PIP5K1B: variants seen among roughly 807,000 people sequenced by gnomAD.
PIP5K1B encodes the protein phosphatidylinositol 4-phosphate 5-kinase type-1 beta.
PIP5K1B carries 42 observed loss-of-function variants against 67.0 expected under a neutral mutation model. The ratio of observed to expected loss-of-function variants is 0.63; its 90% CI spans 0.49 to 0.81. The LOEUF is 0.81. Ranked by LOEUF, PIP5K1B falls within the 30% of genes least tolerant of loss-of-function variation. The pLI, the probability that PIP5K1B is intolerant of heterozygous loss-of-function variation, is 0.00. For missense variants in PIP5K1B, 459 were observed against 646.3 expected (o/e 0.71, Z 3.14); for synonymous variants, 214 against 231.4 (o/e 0.92, Z 0.68).
intron 2 of PIP5K1B, among the ~76,000 whole-genome samples, chr9:68,809,255 T>A (rs1256519131): frequency 1.3e-5 from 2 of 152,144 alleles, no homozygotes; most frequent in Non-Finnish European, 2.9e-5. Flanking sequence ...CAGCACATTT[T>A]AAACCTTTGC....
intron 2 of PIP5K1B, among the ~76,000 whole-genome samples, chr9:68,772,275 T>G (rs2132425656): frequency 6.6e-6 from 1 of 152,342 alleles, no homozygotes; most frequent in Non-Finnish European, 1.5e-5. Flanking sequence ...CTACTGAGAC[T>G]TCTTGAATCT....
intron 1 of PIP5K1B, among the ~76,000 whole-genome samples, chr9:68,730,710 A>G (rs771377452): frequency 3.9e-5 from 6 of 152,224 alleles, no homozygotes; most frequent in Non-Finnish European, 8.8e-5. Context: ...TTGTGAAATA[A>G]AACTCTTGAG....
At position 68,917,767 on chromosome 9, in the gene PIP5K1B, C is replaced by T. The variant is rs751046512; in HGVS notation, c.983+8C>T. 5.1e-5 allele frequency: 82 copies of T among 1,601,880 alleles called. No homozygotes were observed. The highest frequency in any genetic ancestry group is 2.0e-4 in the East Asian group (9 of 44,814). ...CACAGAGAACCCAGACACGTAAGTG[C>T]AGCCACACACCTACCCACCCTCTTG... On this transcript the variant is annotated splice_region_variant and intron_variant, in intron 9 of 15. Transcript: ENST00000265382.
chr9:68,890,498 A>G (rs1261126758), intron 7 of PIP5K1B, among the ~76,000 whole-genome samples: 2 of 152,226 alleles, frequency 1.3e-5, no homozygotes, highest in East Asian at 1.9e-4. Context: ...ATCAGATGCC[A>G]TGTTATCTTT....
intron 4 of PIP5K1B, among the ~76,000 whole-genome samples, chr9:68,859,147 A>G (rs141573657): frequency 7.4e-4 from 113 of 152,360 alleles, no homozygotes; most frequent in African/African-American, 2.5e-3. Context: ...TTCCTTATCT[A>G]TACTATGGCA....
intron 2 of PIP5K1B, chr9:68,782,147 T>C (rs1366133076): frequency 6.0e-6 from 1 of 167,054 alleles, no homozygotes; most frequent in African/African-American, 2.4e-5. Context: ...TAGGGCACCA[T>C]TGATTAGACA....
At chr9:68,789,347 TC>T (rs140603387) in intron 2 of PIP5K1B, 6,422 of 385,456 alleles carry the variant, frequency 0.017, 142 homozygotes, top group East Asian at 0.1. Context: ...GCCGCATAAA[TC>T]ACAATCACAT....
At chr9:68,946,790 G>A (rs1385263831) in intron 14 of PIP5K1B, among the ~76,000 whole-genome samples, 5 of 152,248 alleles carry the variant, frequency 3.3e-5, no homozygotes, top group South Asian at 2.1e-4. Context: ...ATGCTCATGC[G>A]TCTTGCTAAA....
chr9:68,897,490 A>G (rs1305798596), intron 8 of PIP5K1B, among the ~76,000 whole-genome samples: 1 of 152,228 alleles, frequency 6.6e-6, no homozygotes. Flanking sequence ...CAGTAGAAGC[A>G]TATTTCTAGG....
intron 6 of PIP5K1B, among the ~76,000 whole-genome samples, chr9:68,886,071 C>G (rs1345094761): frequency 6.6e-6 from 1 of 151,752 alleles, no homozygotes; most frequent in African/African-American, 2.4e-5. Context: ...CCCAGCTACT[C>G]GGGAGGCTGA....
intron 6 of PIP5K1B, among the ~76,000 whole-genome samples, chr9:68,881,912 C>T (rs1288089959): frequency 2.6e-5 from 4 of 152,124 alleles, no homozygotes; most frequent in Non-Finnish European, 4.4e-5. Flanking sequence ...GGCTCACCTG[C>T]GCCAATAAGA....
At chr9:68,823,998 A>ATCTC in intron 4 of PIP5K1B, 2 of 453,902 alleles carry the variant, frequency 4.4e-6, no homozygotes, top group Non-Finnish European at 8.7e-6. Context: ...GTTGGAAAAG[A>ATCTC]GTTGGGTAAA....
chr9:68,801,088 A>T (rs1832576415), intron 2 of PIP5K1B, among the ~76,000 whole-genome samples: 1 of 152,140 alleles, frequency 6.6e-6, no homozygotes, highest in African/African-American at 2.4e-5. Context: ...AGATATTTTA[A>T]CCCATTGCTC....
At chr9:68,882,569 G>C (rs10511961) in intron 6 of PIP5K1B, among the ~76,000 whole-genome samples, 57,710 of 151,906 alleles carry the variant, frequency 0.38, 11,912 homozygotes, top group Middle Eastern at 0.48. Flanking sequence ...ATTGGGAGCA[G>C]ATGTTCAGGT....
intron 2 of PIP5K1B, among the ~76,000 whole-genome samples, chr9:68,797,522 G>GT (rs989580686): frequency 2.0e-5 from 3 of 152,148 alleles, no homozygotes; most frequent in East Asian, 1.9e-4. Context: ...ATATTTCTCA[G>GT]TTTTTTAAAA....
At chr9:68,786,908 T>G (rs1281695509) in intron 2 of PIP5K1B, among the ~76,000 whole-genome samples, 1 of 152,012 alleles carries the variant, frequency 6.6e-6, no homozygotes, top group Non-Finnish European at 1.5e-5. Flanking sequence ...GATGGAAGAG[T>G]TTCCAACCGG....
chr9:68,794,078 C>T (rs1430981237), intron 2 of PIP5K1B, among the ~76,000 whole-genome samples: 1 of 152,190 alleles, frequency 6.6e-6, no homozygotes, highest in Non-Finnish European at 1.5e-5. Context: ...GAAGTCTAAT[C>T]ACTGAGTGCT....
At chr9:68,950,643 G>A (rs1476828397) in intron 14 of PIP5K1B, among the ~76,000 whole-genome samples, 1 of 152,172 alleles carries the variant, frequency 6.6e-6, no homozygotes, top group African/African-American at 2.4e-5. Context: ...TACCAGTTCT[G>A]GCCATGTCTC....
At chr9:68,761,604 T>A (rs1830187526) in intron 2 of PIP5K1B, among the ~76,000 whole-genome samples, 1 of 152,136 alleles carries the variant, frequency 6.6e-6, no homozygotes, top group Non-Finnish European at 1.5e-5. Flanking sequence ...GGGGAAGAAT[T>A]CCTCTTCTTG....
Sources: gnomAD v4.1 joint callset for allele counts (sites outside exome capture counted in the v4.1 genomes callset) on GRCh38, gnomAD v4.1.1 for gene constraint, MANE v1.5 for transcripts, NCBI Gene and HGNC (gene_info 2026-07-23, HGNC 2026-07-21) for gene names.